ST8SIA2: variants seen among roughly 807,000 people sequenced by gnomAD.
The protein encoded by ST8SIA2 is alpha-2,8-sialyltransferase 8B.
A neutral mutation model predicts 37.6 loss-of-function variants in ST8SIA2; 22 were observed. That is an observed-to-expected ratio of 0.58 (90% confidence interval 0.42 to 0.83). The LOEUF is 0.83. Ranked by LOEUF, ST8SIA2 falls within the 40% of genes least tolerant of loss-of-function variation. The probability of loss-of-function intolerance (pLI) is 0.00; values close to 1 mark genes in which losing one functional copy is unlikely to be tolerated. For missense variants in ST8SIA2, 382 were observed against 484.7 expected, an observed-to-expected ratio of 0.79 and a Z score of 1.99; for synonymous variants, 205 against 201.2, an observed-to-expected ratio of 1.02 and a Z score of -0.16.
Position 92,393,962 on chromosome 15 carries a change from C to T in ST8SIA2, c.-103C>T. ...CTCGTCCGGAGCGCAGGGTGTCTGC[C>T]CAGCTGCGCGCGGCGCGCGGAGGCT... is the stretch of plus-strand genomic sequence containing the variant. On this transcript the variant is annotated 5_prime_UTR_variant, in exon 1 of 6. Transcript: ENST00000268164. 1.5e-6 allele frequency: 1 copy of T among 689,584 alleles called. No homozygotes were observed. Among genetic ancestry groups the T allele is most frequent in the Non-Finnish European group, 2.1e-6 (1 of 480,120 alleles). The allele number at this position is 689,584 out of a possible 1,614,324, so 42.7% of individuals were successfully genotyped here. A position where few individuals can be genotyped will look rare whatever the true frequency, so the allele number is the denominator to read the frequency against.
intron 5 of ST8SIA2, among the ~76,000 whole-genome samples, chr15:92,457,604 C>CAGCTAACACCCTT (rs2049928621): frequency 6.6e-6 from 1 of 152,162 alleles, no homozygotes. Flanking sequence ...TTTTAACACC[C>CAGCTAACACCCTT]AGCTGTTATC....
At chr15:92,448,062 T>C (rs1253663075) in intron 5 of ST8SIA2, among the ~76,000 whole-genome samples, 1 of 152,158 alleles carries the variant, frequency 6.6e-6, no homozygotes, top group East Asian at 1.9e-4. Context: ...TGCAGCCAGA[T>C]CTATTTCCAG....
intron 5 of ST8SIA2, among the ~76,000 whole-genome samples, chr15:92,461,856 A>G (rs1395946482): frequency 6.6e-6 from 1 of 152,214 alleles, no homozygotes. Flanking sequence ...AGCACAGGGA[A>G]GAAATGACGA....
intron 1 of ST8SIA2, among the ~76,000 whole-genome samples, chr15:92,407,017 A>G (rs2049513232): frequency 6.6e-6 from 1 of 151,830 alleles, no homozygotes; most frequent in African/African-American, 2.4e-5. Flanking sequence ...AAGAAAAGAA[A>G]AAAAAAAACA....
intron 5 of ST8SIA2, among the ~76,000 whole-genome samples, chr15:92,449,934 C>A (rs1200884157): frequency 6.6e-6 from 1 of 152,116 alleles, no homozygotes. Context: ...AATATTTTCT[C>A]CCATTCTGTA....
At chr15:92,404,011 TA>T (rs2049489274) in intron 1 of ST8SIA2, among the ~76,000 whole-genome samples, 1 of 152,186 alleles carries the variant, frequency 6.6e-6, no homozygotes, top group African/African-American at 2.4e-5. Flanking sequence ...GCCTTGGTAG[TA>T]AAGCCAGTTA....
At chr15:92,402,741 G>A (rs758687573) in intron 1 of ST8SIA2, among the ~76,000 whole-genome samples, 5 of 152,102 alleles carry the variant, frequency 3.3e-5, no homozygotes, top group South Asian at 2.1e-4. Flanking sequence ...GGGGCACACC[G>A]CTCTGCCTCT....
chr15:92,459,080 A>G (rs28548334), intron 5 of ST8SIA2, among the ~76,000 whole-genome samples: 3,083 of 152,232 alleles, frequency 0.02, 96 homozygotes, highest in African/African-American at 0.071. Flanking sequence ...CCTCAGAAGC[A>G]CCTATGGGCC....
At chr15:92,445,034 C>G in intron 5 of ST8SIA2, 105 bp downstream of exon 5, 1 of 1,520,354 alleles carries the variant, frequency 6.6e-7, no homozygotes, top group South Asian at 1.1e-5. Context: ...CTCCACCACT[C>G]ATTTGCTGGA....
At chr15:92,441,645 G>A (rs1481678805) in intron 4 of ST8SIA2, among the ~76,000 whole-genome samples, 1 of 151,594 alleles carries the variant, frequency 6.6e-6, no homozygotes, top group Non-Finnish European at 1.5e-5. Context: ...GGGAGAATCT[G>A]ATGAACAAAT....
intron 1 of ST8SIA2, among the ~76,000 whole-genome samples, chr15:92,396,579 C>G (rs144340027): frequency 3.3e-5 from 5 of 151,866 alleles, no homozygotes; most frequent in Non-Finnish European, 7.4e-5. Flanking sequence ...CTGCAACCTC[C>G]GCCTCCCGGG....
chr15:92,416,970 A>G (rs779473640), intron 1 of ST8SIA2, among the ~76,000 whole-genome samples: 10 of 152,226 alleles, frequency 6.6e-5, no homozygotes, highest in Non-Finnish European at 1.3e-4. Flanking sequence ...CTTCAAAACC[A>G]ACTTACCCAA....
At chr15:92,397,905 G>C (rs1260168711) in intron 1 of ST8SIA2, among the ~76,000 whole-genome samples, 1 of 152,220 alleles carries the variant, frequency 6.6e-6, no homozygotes, top group East Asian at 1.9e-4. Context: ...GGCCGAGGCA[G>C]GTAGATCACC....
Position 92,435,449 on chromosome 15 carries a change from G to C in ST8SIA2, c.290+1074G>C, listed in dbSNP as rs540911302. Among the ~76,000 whole-genome samples, 3 of 152,248 alleles carry C rather than the reference G, an allele frequency of 2.0e-5. No individual in the cohort carries two copies. The East Asian group carries it at 5.8e-4, about 29-fold the overall frequency. ...AGGAGGCAAGGAATAGGGGGGTAAG[G>C]TTGGGACGATAGGCAGGACCAGACG... is the stretch of plus-strand genomic sequence containing the variant. On this transcript the variant is annotated intron_variant, in intron 3 of 5. Coordinates refer to ENST00000268164, the MANE Select transcript of ST8SIA2 (RefSeq NM_006011.4).
chr15:92,450,574 A>G (rs968731392), intron 5 of ST8SIA2, among the ~76,000 whole-genome samples: 1 of 152,188 alleles, frequency 6.6e-6, no homozygotes, highest in Non-Finnish European at 1.5e-5. Context: ...GGCGTCTCAC[A>G]TGGCAGGAGC....
At position 92,464,571 on chromosome 15, in the gene ST8SIA2, T is replaced by C. The variant is rs1165897047; in HGVS notation, c.*186T>C. 1 of 675,132 alleles carries C rather than the reference T, an allele frequency of 1.5e-6. No homozygotes were observed. Among genetic ancestry groups the C allele is most frequent in the South Asian group, 1.9e-5 (1 of 53,552 alleles). The allele number at this position is 675,132 out of a possible 1,614,324, so 41.8% of individuals were successfully genotyped here. ...ATATATTGACCTGAGTATTTATAAC[T>C]GTGTGGTGTTCATCTAGCATTAGGC... is the stretch of plus-strand genomic sequence containing the variant. On this transcript the variant is annotated 3_prime_UTR_variant, in exon 6 of 6. Coordinates refer to ENST00000268164, the MANE Select transcript of ST8SIA2 (RefSeq NM_006011.4).
intron 5 of ST8SIA2, among the ~76,000 whole-genome samples, chr15:92,457,602 C>T (rs1344466954): frequency 6.6e-6 from 1 of 152,212 alleles, no homozygotes; most frequent in Non-Finnish European, 1.5e-5. Flanking sequence ...TGTTTTAACA[C>T]CCAGCTGTTA....
chr15:92,447,599 C>G (rs2049851464), intron 5 of ST8SIA2, among the ~76,000 whole-genome samples: 1 of 152,166 alleles, frequency 6.6e-6, no homozygotes, highest in Non-Finnish European at 1.5e-5. Flanking sequence ...GGGAAGCCCT[C>G]TGAGCCACCC....
In ST8SIA2 at chr15:92,438,594, C is replaced by T; in HGVS notation, c.532C>T (p.His178Tyr). The T allele has an allele frequency of 6.2e-7, 1 of 1,608,430 alleles. No individual in the cohort carries two copies. The highest frequency in any genetic ancestry group is 8.5e-7 in the Non-Finnish European group (1 of 1,176,654). The part of the protein sequence containing the change: ...NSGCGQEIDA[H>Y]SFVIRCNLAP... The stretch of plus-strand genomic sequence containing the variant: ...CGGCTGTGGGCAGGAGATTGACGCC[C>T]ACAGCTTCGTCATCAGGTAACATGC... Residue 178 changes from histidine to tyrosine, a missense_variant, in exon 4 of 6, where the codon CAC (histidine) becomes TAC (tyrosine). Transcript: ENST00000268164.
Sources: allele counts gnomAD v4.1 joint callset (sites outside exome capture counted in the v4.1 genomes callset), GRCh38; gene constraint gnomAD v4.1.1; transcripts MANE v1.5; gene names NCBI Gene and HGNC (gene_info 2026-07-23, HGNC 2026-07-21).